FER1L6: variants seen among roughly 807,000 people sequenced by gnomAD.
The protein encoded by FER1L6 is fer-1 like family member 6.
A neutral mutation model predicts 219.2 loss-of-function variants in FER1L6; 177 were observed. The observed-to-expected ratio is 0.81, with a 90% CI of 0.71 to 0.91. FER1L6 has a LOEUF of 0.91. FER1L6 is among the 40% of genes least tolerant of loss of function. FER1L6 has a pLI of 0.00. For missense variants in FER1L6, 2,153 were observed against 2,259.9 expected (o/e 0.95, Z 0.96); for synonymous variants, 768 against 824.3 (o/e 0.93, Z 1.17).
chr8:124,081,726 C>A (rs1303233125), intron 32 of FER1L6, among the ~76,000 whole-genome samples: 2 of 150,902 alleles, frequency 1.3e-5, no homozygotes, highest in African/African-American at 4.9e-5. Context: ...ATAAGGTTTT[C>A]ATTTAAAATA....
Position 123,976,036 on chromosome 8 carries a change from T to C in FER1L6, c.822T>C (p.Ser274=), listed in dbSNP as rs115192051. 1,981 of 1,614,018 alleles carry C rather than the reference T, an allele frequency of 1.2e-3. 13 individuals carry two copies. In the African/African-American group the frequency reaches 0.024, roughly 19 times the overall value. ...TCACCAAGGCATTTGTGGGTGACAG[T>C]AAGGACCTGGTGGATCCCTTTGTGG... is the stretch of plus-strand genomic sequence containing the variant. ...ANVTKAFVGD[S]KDLVDPFVEV... The change falls in exon 9 of 41, where the codon AGT becomes AGC. Residue 274 remains serine (S), a synonymous_variant. Coordinates refer to ENST00000522917, the MANE Select transcript of FER1L6 (RefSeq NM_001039112.2).
chr8:124,060,635 G>T lies in FER1L6; in HGVS notation c.3073G>T (p.Gly1025Cys), dbSNP rs1820524649. Reference sequence around the variant, plus strand: ...GGCTCTCATTGAGTGCGGAGGACAAGGTGTGAAGTCCTGCGTGATCCAGAG... The same window carrying T: ...GGCTCTCATTGAGTGCGGAGGACAATGTGTGAAGTCCTGCGTGATCCAGAG... Reference protein sequence around the residue: ...PQALIECGGQGVKSCVIQSYK... With the variant: ...PQALIECGGQCVKSCVIQSYK... Residue 1025 changes from glycine to cysteine, a missense_variant, in exon 24 of 41, where the codon GGT (glycine) becomes TGT (cysteine). Physicochemically the swap from Gly to Cys is radical, Grantham distance 159. Coordinates refer to ENST00000522917, the MANE Select transcript of FER1L6 (RefSeq NM_001039112.2). 6.2e-7 allele frequency: 1 copy of T among 1,614,012 alleles called. No individual in the cohort carries two copies. Among genetic ancestry groups the T allele is most frequent in the Non-Finnish European group, 8.5e-7 (1 of 1,180,004 alleles).
At chr8:124,101,519 CAT>C (rs1396770919) in intron 38 of FER1L6, among the ~76,000 whole-genome samples, 181 bp downstream of exon 38, 1 of 152,178 alleles carries the variant, frequency 6.6e-6, no homozygotes, top group Non-Finnish European at 1.5e-5. Flanking sequence ...GGTACATCCA[CAT>C]GATGGACCAC....
chr8:124,106,080 G>A (rs1822759160), intron 39 of FER1L6, among the ~76,000 whole-genome samples: 2 of 152,034 alleles, frequency 1.3e-5, no homozygotes, highest in South Asian at 4.1e-4. Context: ...AAATAGTGGC[G>A]ATGCCAGTAC....
chr8:123,932,187 C>T (rs1399502573), intron 1 of FER1L6, among the ~76,000 whole-genome samples: 1 of 152,158 alleles, frequency 6.6e-6, no homozygotes, highest in Non-Finnish European at 1.5e-5. Context: ...CGACTCACTA[C>T]AACCTCTGCC....
At chr8:124,096,802 T>A (rs999397849) in intron 35 of FER1L6, among the ~76,000 whole-genome samples, 5 of 152,116 alleles carry the variant, frequency 3.3e-5, no homozygotes, top group African/African-American at 1.2e-4. Flanking sequence ...ATCTTTTTAA[T>A]CCTTAGGAGT....
chr8:123,891,852 T>C (rs1057155904), intron 1 of FER1L6, among the ~76,000 whole-genome samples: 2 of 152,210 alleles, frequency 1.3e-5, no homozygotes, highest in African/African-American at 4.8e-5. Flanking sequence ...TCAGTTCCTC[T>C]GAGCCCAGAG....
chr8:123,937,320 A>G (rs1814046462), intron 1 of FER1L6, among the ~76,000 whole-genome samples: 1 of 152,246 alleles, frequency 6.6e-6, no homozygotes, highest in Non-Finnish European at 1.5e-5. Context: ...GCCTCGTACT[A>G]AAATACTTAA....
Position 124,010,658 on chromosome 8 carries a change from G to A in FER1L6, c.1765G>A (p.Asp589Asn). The A allele has an allele frequency of 6.2e-7, 1 of 1,614,078 alleles. No individual in the cohort carries two copies. Among genetic ancestry groups the A allele is most frequent in the Non-Finnish European group, 8.5e-7 (1 of 1,179,986 alleles). Residue 589 changes from aspartate to asparagine, a missense_variant, in exon 14 of 41, where the codon GAC (aspartate) becomes AAC (asparagine). Coordinates refer to ENST00000522917, the MANE Select transcript of FER1L6 (RefSeq NM_001039112.2). ...TGTCTATTTCATCAGCTCTTGGGGAGACCAGACCTTCAGGCTGCACTGGTC... is the reference window on the plus strand; with the variant it reads ...TGTCTATTTCATCAGCTCTTGGGGAAACCAGACCTTCAGGCTGCACTGGTC... ...PCVYFISSWGDQTFRLHWSNM... is the reference protein window; with the variant it reads ...PCVYFISSWGNQTFRLHWSNM...
chr8:124,011,647 CT>C (rs551341750), intron 14 of FER1L6, among the ~76,000 whole-genome samples: 4,348 of 133,848 alleles, frequency 0.032, 169 homozygotes, highest in African/African-American at 0.1. Flanking sequence ...CCATGCCTGA[CT>C]TTTTTTTTTT....
At chr8:124,017,465 T>C (rs918958128) in intron 15 of FER1L6, among the ~76,000 whole-genome samples, 163 bp from the exon 16 acceptor site, 7 of 152,228 alleles carry the variant, frequency 4.6e-5, no homozygotes, top group African/African-American at 1.4e-4. Flanking sequence ...TTTTGTCTCT[T>C]GGAAAAGTTA....
At chr8:123,936,854 T>G (rs1814027187) in intron 1 of FER1L6, among the ~76,000 whole-genome samples, 1 of 152,236 alleles carries the variant, frequency 6.6e-6, no homozygotes, top group African/African-American at 2.4e-5. Context: ...TCCTTTTACC[T>G]GACCATTGTT....
chr8:123,946,400 C>T (rs1814487246), intron 1 of FER1L6, among the ~76,000 whole-genome samples: 2 of 152,072 alleles, frequency 1.3e-5, no homozygotes, highest in Admixed American at 6.5e-5. Flanking sequence ...TATAGGCATA[C>T]ACCACCACAC....
chr8:123,980,603 T>C lies in FER1L6; in HGVS notation c.1202T>C (p.Ile401Thr). The C allele has an allele frequency of 1.2e-6, 2 of 1,614,072 alleles. No individual in the cohort carries two copies. Among genetic ancestry groups the C allele is most frequent in the Non-Finnish European group, 1.7e-6 (2 of 1,180,004 alleles). ...VSFRGRILVE[I>T]AVEILSGRAQ... Reference sequence around the variant, plus strand: ...TTCAGGGGCAGAATCTTGGTAGAAATTGCTGTGGAAATCCTCTCAGGACGG... The same window carrying C: ...TTCAGGGGCAGAATCTTGGTAGAAACTGCTGTGGAAATCCTCTCAGGACGG... Residue 401 changes from isoleucine (I) to threonine (T), a missense_variant, in exon 11 of 41, where the codon ATT (isoleucine) becomes ACT (threonine). Transcript: ENST00000522917.
At position 124,040,041 on chromosome 8, in the gene FER1L6, C is replaced by G; in HGVS notation, c.2589+35C>G. 4 of 1,613,260 alleles carry G rather than the reference C, an allele frequency of 2.5e-6. 1 individual carries two copies. The highest frequency in any genetic ancestry group is 2.5e-6 in the Non-Finnish European group (3 of 1,179,590). ...GTAACCAAGACAGCCTGCTTCTTTC[C>G]TGCAGCCTGCAACTGACCCACAGAA... On this transcript the variant is annotated intron_variant, in intron 20 of 40. Coordinates refer to ENST00000522917, the MANE Select transcript of FER1L6 (RefSeq NM_001039112.2).
chr8:124,010,712 C>T lies in FER1L6; in HGVS notation c.1819C>T (p.Leu607=), dbSNP rs781700010. The T allele has an allele frequency of 6.8e-6, 11 of 1,613,084 alleles. No homozygotes were observed. In the African/African-American group the frequency reaches 1.2e-4, roughly 18 times the overall value. Residue 607 remains leucine (L), a splice_region_variant and synonymous_variant, in exon 14 of 41, where the codon CTG becomes TTG. Transcript: ENST00000522917. ...CATGCTGGAGAAAATGGCAGACTTCCTGGTAGGTGACTCTGACAGGTGATG... is the reference window on the plus strand; with the variant it reads ...CATGCTGGAGAAAATGGCAGACTTCTTGGTAGGTGACTCTGACAGGTGATG... ...SNMLEKMADF[L]EESIEEVREL...
chr8:123,987,955 G>A (rs750124859), intron 12 of FER1L6, among the ~76,000 whole-genome samples: 10 of 152,076 alleles, frequency 6.6e-5, no homozygotes, highest in South Asian at 4.1e-4. Flanking sequence ...AAAATTAGCC[G>A]GGCATGGTGG....
rs145234344 is a variant in FER1L6, at chr8:123,866,639, C to A, written c.-8+14454C>A. 3.7e-3 allele frequency among the ~76,000 whole-genome samples: 563 copies of A among 152,282 alleles called. 3 individuals are homozygous for A. Among genetic ancestry groups the A allele is most frequent in the African/African-American group, 0.013 (544 of 41,544 alleles). On this transcript the variant is annotated intron_variant, in intron 1 of 40. Coordinates refer to ENST00000522917, the MANE Select transcript of FER1L6 (RefSeq NM_001039112.2). ...CAGCAAGGTTTCCTTGTCTCCACAT[C>A]CTTGCCAACACTGGTCATCATTAGG...
chr8:123,979,304 A>G (rs989974594), intron 10 of FER1L6, among the ~76,000 whole-genome samples: 2 of 152,212 alleles, frequency 1.3e-5, no homozygotes, highest in Non-Finnish European at 2.9e-5. Flanking sequence ...ATAAAATGCC[A>G]TCTACTGAGC....
Sources: allele counts gnomAD v4.1 joint callset (sites outside exome capture counted in the v4.1 genomes callset), GRCh38; gene constraint gnomAD v4.1.1; transcripts MANE v1.5; gene names NCBI Gene and HGNC (gene_info 2026-07-23, HGNC 2026-07-21).